The following HS3ST5 variants were observed in gnomAD, a reference collection of about 807,000 sequenced individuals.
The protein encoded by HS3ST5 is heparan sulfate-glucosamine 3-sulfotransferase 5, also known as heparan sulfate glucosamine 3-O-sulfotransferase 5.
Under a neutral mutation model 25.4 loss-of-function variants are expected in HS3ST5, and 10 were observed. The observed-to-expected ratio is 0.39, with a 90% confidence interval of 0.24 to 0.67. The LOEUF (loss-of-function observed/expected upper bound fraction) is 0.67, where lower values mean the gene tolerates loss of function less well. Among genes scored for constraint, HS3ST5 ranks in the 30% least tolerant of loss-of-function variants. The pLI is 0.44. For synonymous variants in HS3ST5, 170 were observed against 162.4 expected, an observed-to-expected ratio of 1.05 and a Z score of -0.36; for missense variants, 324 against 420.7, an observed-to-expected ratio of 0.77 and a Z score of 2.01.
chr6:114,123,569 T>C (rs1220424641), intron 3 of HS3ST5, among the ~76,000 whole-genome samples: 1 of 152,224 alleles, frequency 6.6e-6, no homozygotes, highest in East Asian at 1.9e-4. Flanking sequence ...TTGTCTTTCC[T>C]AACATAAGGT....
intron 1 of HS3ST5, among the ~76,000 whole-genome samples, chr6:114,260,105 G>C (rs1773102334): frequency 6.6e-6 from 1 of 151,944 alleles, no homozygotes; most frequent in Non-Finnish European, 1.5e-5. Flanking sequence ...ATATTTTGTT[G>C]ACATATATTT....
intron 3 of HS3ST5, among the ~76,000 whole-genome samples, chr6:114,111,685 A>G (rs998631714): frequency 1.3e-5 from 2 of 152,170 alleles, no homozygotes; most frequent in African/African-American, 4.8e-5. Flanking sequence ...TGCATATTCT[A>G]TTAAAAAATA....
rs1186631551 is a variant in HS3ST5, at chr6:114,178,703, G to A, written c.-144-10241C>T. 5 of 152,140 alleles carry A rather than the reference G, an allele frequency of 3.3e-5. No homozygotes were observed. In the South Asian group the frequency reaches 8.3e-4, roughly 25 times the overall value. 9.4% of individuals were successfully genotyped at this position (152,140 alleles called of 1,614,324 possible). A position where few individuals can be genotyped will look rare whatever the true frequency, so the allele number is the denominator to read the frequency against. ...CAAGAGAGCAAGCAAAACATTGCAC[G>A]ACAATGAACAGATCAAGGTATACTT... On this transcript the variant is annotated intron_variant, in intron 2 of 4. Transcript: ENST00000312719.
chr6:114,301,724 C>T (rs887924300), intron 1 of HS3ST5, among the ~76,000 whole-genome samples: 6 of 152,104 alleles, frequency 3.9e-5, no homozygotes, highest in Non-Finnish European at 8.8e-5. Context: ...CATCCATCTC[C>T]TGAAAAATCT....
chr6:114,292,360 G>A (rs146510094), intron 1 of HS3ST5, among the ~76,000 whole-genome samples: 1 of 152,158 alleles, frequency 6.6e-6, no homozygotes, highest in Non-Finnish European at 1.5e-5. Context: ...AGGACAAAAT[G>A]TTGTGTTCTC....
At chr6:114,150,099 TTGA>T (rs1170779665) in intron 3 of HS3ST5, among the ~76,000 whole-genome samples, 1 of 152,258 alleles carries the variant, frequency 6.6e-6, no homozygotes, top group Non-Finnish European at 1.5e-5. Context: ...TATGTTTTTC[TTGA>T]TGACCATTAA....
intron 1 of HS3ST5, chr6:114,230,123 C>CTTTTTTTTTTTT: frequency 1.3e-5 from 1 of 75,964 alleles, no homozygotes; most frequent in East Asian, 3.8e-4. Context: ...TGGAACTTGC[C>CTTTTTTTTTTTT]TTTTTTTTTT....
intron 1 of HS3ST5, among the ~76,000 whole-genome samples, chr6:114,320,677 T>A (rs1775929196): frequency 6.6e-6 from 1 of 151,988 alleles, no homozygotes; most frequent in African/African-American, 2.4e-5. Context: ...TCTGGCCAGG[T>A]AGAGGTCCCA....
At chr6:114,063,017 G>A in intron 3 of HS3ST5, 140 bp from the exon 4 acceptor site, 1 of 562,060 alleles carries the variant, frequency 1.8e-6, no homozygotes, top group Non-Finnish European at 3.2e-6. Context: ...GTGTCATGAT[G>A]TAACAGGTAC....
intron 4 of HS3ST5, among the ~76,000 whole-genome samples, chr6:114,062,271 C>T (rs1046361969): frequency 6.6e-6 from 1 of 152,182 alleles, no homozygotes; most frequent in African/African-American, 2.4e-5. Flanking sequence ...CGCCTGCAGC[C>T]ATCTTTCCAG....
chr6:114,269,551 A>G (rs1259768098), intron 1 of HS3ST5, among the ~76,000 whole-genome samples: 4 of 152,250 alleles, frequency 2.6e-5, no homozygotes, highest in African/African-American at 4.8e-5. Flanking sequence ...AGAAAACAAC[A>G]GCCATTTCCC....
intron 1 of HS3ST5, among the ~76,000 whole-genome samples, chr6:114,236,452 TTTC>T: frequency 6.6e-6 from 1 of 152,326 alleles, no homozygotes; most frequent in African/African-American, 2.4e-5. Context: ...CATTTAAATG[TTTC>T]TTCTTTACTC....
chr6:114,152,725 G>A (rs1202444097), intron 3 of HS3ST5, among the ~76,000 whole-genome samples: 2 of 152,110 alleles, frequency 1.3e-5, no homozygotes, highest in Admixed American at 1.3e-4. Context: ...CTCTTCCTGT[G>A]GTCCAACCTC....
rs190354409 is a variant in HS3ST5 at position 114,192,817 on chromosome 6, G to A, written c.-144-24355C>T. 3.7e-3 allele frequency among the ~76,000 whole-genome samples: 558 copies of A among 152,272 alleles called. 1 individual carries two copies. Among genetic ancestry groups the A allele is most frequent in the Non-Finnish European group, 5.4e-3 (364 of 68,012 alleles). Reference sequence around the variant, plus strand: ...AAAGAAATAAGATACTGTAACGTCAGTCAAAATATATATAGACTACCACAG... The same window carrying A: ...AAAGAAATAAGATACTGTAACGTCAATCAAAATATATATAGACTACCACAG... On this transcript the variant is annotated intron_variant, in intron 2 of 4. Transcript: ENST00000312719.
At chr6:114,130,159 T>C (rs1244199837) in intron 3 of HS3ST5, among the ~76,000 whole-genome samples, 1 of 152,238 alleles carries the variant, frequency 6.6e-6, no homozygotes, top group Admixed American at 6.5e-5. Flanking sequence ...TTTAAAGTAA[T>C]CACAATTAAA....
intron 1 of HS3ST5, among the ~76,000 whole-genome samples, chr6:114,307,887 T>C (rs1412980446): frequency 6.6e-6 from 1 of 152,076 alleles, no homozygotes; most frequent in African/African-American, 2.4e-5. Flanking sequence ...TTAGTCTGTA[T>C]ATATAATGCT....
intron 2 of HS3ST5, among the ~76,000 whole-genome samples, chr6:114,174,091 C>G (rs1239434858): frequency 6.6e-6 from 1 of 151,808 alleles, no homozygotes; most frequent in African/African-American, 2.4e-5. Flanking sequence ...TTCATCTGTT[C>G]CCACTCTACC....
At chr6:114,258,526 G>A (rs944643416) in intron 1 of HS3ST5, among the ~76,000 whole-genome samples, 1 of 152,156 alleles carries the variant, frequency 6.6e-6, no homozygotes, top group African/African-American at 2.4e-5. Context: ...AATGACAGAG[G>A]TGTTTGCAGC....
intron 3 of HS3ST5, among the ~76,000 whole-genome samples, chr6:114,066,765 C>G (rs1342232943): frequency 6.6e-6 from 1 of 152,204 alleles, no homozygotes; most frequent in Non-Finnish European, 1.5e-5. Context: ...TTTCTTCTTG[C>G]TTTGTGCTGT....
Sources: gnomAD v4.1 joint callset for allele counts (sites outside exome capture counted in the v4.1 genomes callset) on GRCh38, gnomAD v4.1.1 for gene constraint, MANE v1.5 for transcripts, NCBI Gene and HGNC (gene_info 2026-07-23, HGNC 2026-07-21) for gene names.